The following SLC25A26 variants were observed in gnomAD, a reference collection of about 807,000 sequenced individuals.
SLC25A26 encodes mitochondrial S-adenosylmethionine carrier protein.
In SLC25A26, 36 loss-of-function variants were observed where a neutral mutation model predicts 37.8. The observed-to-expected ratio is 0.95, with a 90% CI of 0.73 to 1.26. The LOEUF (loss-of-function observed/expected upper bound fraction) is 1.26. Ranked by LOEUF, SLC25A26 falls within the 50% of genes most tolerant of loss-of-function variation. The pLI, the probability that SLC25A26 is intolerant of heterozygous loss-of-function variation, is 0.00. For synonymous variants in SLC25A26, 129 were observed against 122.5 expected (o/e 1.05, Z -0.35); for missense variants, 390 against 331.1 (o/e 1.18, Z -1.38).
At chr3:66,261,442 G>A (rs535866083) in intron 3 of SLC25A26, among the ~76,000 whole-genome samples, 136 of 152,240 alleles carry the variant, frequency 8.9e-4, no homozygotes, top group African/African-American at 3.0e-3. Flanking sequence ...CATATACCCG[G>A]CCTCAGCATG....
At chr3:66,296,222 T>G (rs940476329) in intron 5 of SLC25A26, among the ~76,000 whole-genome samples, 1 of 152,226 alleles carries the variant, frequency 6.6e-6, no homozygotes, top group Non-Finnish European at 1.5e-5. Flanking sequence ...AATTATTAGT[T>G]CAAAGAAGCA....
intron 5 of SLC25A26, among the ~76,000 whole-genome samples, chr3:66,309,822 T>G (rs1343890291): frequency 1.3e-5 from 2 of 152,168 alleles, no homozygotes; most frequent in East Asian, 3.8e-4. Context: ...AGTGAATTTC[T>G]TAATCCTGAG....
At chr3:66,352,995 C>T (rs332338) in intron 6 of SLC25A26, among the ~76,000 whole-genome samples, 11,615 of 152,182 alleles carry the variant, frequency 0.076, 618 homozygotes, top group African/African-American at 0.15. Context: ...TAATTATTTA[C>T]GACATCAGTG....
At chr3:66,207,100 A>G (rs1428441321) in intron 1 of SLC25A26, among the ~76,000 whole-genome samples, 3 of 151,554 alleles carry the variant, frequency 2.0e-5, no homozygotes, top group Non-Finnish European at 4.4e-5. Context: ...TTAAAACCTA[A>G]TACGATATTT....
intron 1 of SLC25A26, among the ~76,000 whole-genome samples, chr3:66,184,556 C>T (rs2070778335): frequency 1.9e-5 from 1 of 51,324 alleles, no homozygotes; most frequent in African/African-American, 1.2e-4. Context: ...GACACTCATC[C>T]TCATCAGGAC....
rs186760638 is a variant in SLC25A26 at position 66,311,282 on chromosome 3, G to A, written c.454-35082G>A. ...AGCCTTTCTTCTGCTTGATCGATTC[G>A]GCTATTGATACTTGTGTATGCTTCA... On this transcript the variant is annotated intron_variant, in intron 5 of 9. Transcript: ENST00000354883. 2.8e-3 allele frequency among the ~76,000 whole-genome samples: 425 copies of A among 151,760 alleles called. 2 individuals are homozygous for A. Among genetic ancestry groups the A allele is most frequent in the African/African-American group, 9.4e-3 (390 of 41,384 alleles).
At chr3:66,146,121 C>T (rs2070111006) in intron 1 of SLC25A26, among the ~76,000 whole-genome samples, 1 of 152,054 alleles carries the variant, frequency 6.6e-6, no homozygotes, top group Non-Finnish European at 1.5e-5. Context: ...TGGTGGATCA[C>T]CTGAGGTCAG....
intron 1 of SLC25A26, among the ~76,000 whole-genome samples, chr3:66,190,950 T>C (rs2070930548): frequency 6.6e-6 from 1 of 152,224 alleles, no homozygotes; most frequent in African/African-American, 2.4e-5. Context: ...TCTGAGTTTT[T>C]TGGAGTCAAA....
At chr3:66,163,088 G>T (rs1226401045) in intron 1 of SLC25A26, among the ~76,000 whole-genome samples, 1 of 152,156 alleles carries the variant, frequency 6.6e-6, no homozygotes, top group Non-Finnish European at 1.5e-5. Context: ...ATATTTCTTT[G>T]TGGTGTCCTC....
chr3:66,159,675 T>C (rs974218277), intron 1 of SLC25A26, among the ~76,000 whole-genome samples: 2 of 152,222 alleles, frequency 1.3e-5, no homozygotes, highest in Admixed American at 1.3e-4. Context: ...TAGTAAATCT[T>C]GGGAGATACT....
chr3:66,289,293 AG>A (rs2074623300), intron 5 of SLC25A26, among the ~76,000 whole-genome samples: 1 of 152,136 alleles, frequency 6.6e-6, no homozygotes, highest in African/African-American at 2.4e-5. Context: ...CTCTGATGAT[AG>A]TTTCTTTTGC....
intron 1 of SLC25A26, among the ~76,000 whole-genome samples, chr3:66,227,594 C>G (rs1485290897): frequency 1.3e-5 from 2 of 152,114 alleles, no homozygotes; most frequent in African/African-American, 4.8e-5. Context: ...TTGGGAGATT[C>G]ATGTTATTTA....
At chr3:66,300,686 A>G (rs2075051655) in intron 5 of SLC25A26, among the ~76,000 whole-genome samples, 1 of 152,088 alleles carries the variant, frequency 6.6e-6, no homozygotes, top group South Asian at 2.1e-4. Flanking sequence ...TTTTTGCTTC[A>G]TGAAAAAAAG....
At chr3:66,287,811 T>C (rs1040930112) in intron 5 of SLC25A26, among the ~76,000 whole-genome samples, 2 of 152,234 alleles carry the variant, frequency 1.3e-5, no homozygotes, top group Non-Finnish European at 2.9e-5. Context: ...ACCTAAATTA[T>C]TTGCTTCTTA....
At chr3:66,185,790 T>A (rs1332947220) in intron 1 of SLC25A26, among the ~76,000 whole-genome samples, 1 of 151,658 alleles carries the variant, frequency 6.6e-6, no homozygotes, top group Non-Finnish European at 1.5e-5. Context: ...TCACCCTGAC[T>A]CTCACCTCTC....
At chr3:66,367,786 G>C (rs2076858280) in intron 7 of SLC25A26, among the ~76,000 whole-genome samples, 1 of 151,954 alleles carries the variant, frequency 6.6e-6, no homozygotes, top group Non-Finnish European at 1.5e-5. Context: ...TACTTTTCCA[G>C]GGCAGAATAT....
At position 66,243,275 on chromosome 3, in the gene SLC25A26, C is replaced by T. The variant is rs1409987110; in HGVS notation, c.263C>T (p.Pro88Leu). 7 of 1,607,384 alleles carry T rather than the reference C, an allele frequency of 4.4e-6. No homozygotes were observed. In the Admixed American group the frequency reaches 6.7e-5, roughly 15 times the overall value. The change falls in exon 3 of 10, where the codon CCT becomes CTT. Residue 88 changes from proline to leucine, a missense_variant. Pro to Leu is a moderately conservative substitution (Grantham distance 98, BLOSUM62 -3). Coordinates refer to ENST00000354883, the MANE Select transcript of SLC25A26 (RefSeq NM_001379210.1). ...LHADSSSYLTPMKHMLAASAG... is the reference protein window; with the variant it reads ...LHADSSSYLTLMKHMLAASAG... ...GCTGATTCATCTTCATATTTGACACCTATGAAACATATGTTGGCTGCCTCT... is the reference window on the plus strand; with the variant it reads ...GCTGATTCATCTTCATATTTGACACTTATGAAACATATGTTGGCTGCCTCT...
At chr3:66,253,631 T>TG (rs1327961209) in intron 3 of SLC25A26, among the ~76,000 whole-genome samples, 1 of 152,140 alleles carries the variant, frequency 6.6e-6, no homozygotes, top group Non-Finnish European at 1.5e-5. Flanking sequence ...ACTGCCTGAC[T>TG]GACATCTCTC....
chr3:66,369,459 T>C lies in SLC25A26; in HGVS notation c.569-19T>C, dbSNP rs2293193. ...CAGTAAACAGGATCTCACTTGGGTG[T>C]TGGGTATTATTTGTACAGGTGGATT... On this transcript the variant is annotated intron_variant, in intron 7 of 9. Coordinates refer to ENST00000354883, the MANE Select transcript of SLC25A26 (RefSeq NM_001379210.1). 0.17 allele frequency: 277,879 copies of C among 1,589,492 alleles called. 34,875 individuals are homozygous for C. Among genetic ancestry groups the C allele is most frequent in the East Asian group, 0.66 (29,160 of 44,048 alleles).
Sources: allele counts gnomAD v4.1 joint callset (sites outside exome capture counted in the v4.1 genomes callset), GRCh38; gene constraint gnomAD v4.1.1; transcripts MANE v1.5; gene names NCBI Gene and HGNC (gene_info 2026-07-23, HGNC 2026-07-21).